Variants in DPH6 observed in about 807,000 individuals in gnomAD.
DPH6 encodes the protein diphthamine biosynthesis 6, also known as diphthine--ammonia ligase.
DPH6 carries 33 observed loss-of-function variants against 38.2 expected under a neutral mutation model. The ratio of observed to expected loss-of-function variants is 0.86; its 90% CI spans 0.65 to 1.15. The LOEUF (loss-of-function observed/expected upper bound fraction) is 1.15. DPH6 is among the 50% of genes most tolerant of loss of function. DPH6 has a pLI of 0.00. For synonymous variants in DPH6, 108 were observed against 103.0 expected, an observed-to-expected ratio of 1.05 and a Z score of -0.30; for missense variants, 325 against 320.0, an observed-to-expected ratio of 1.02 and a Z score of -0.12.
downstream of DPH6, among the ~76,000 whole-genome samples, chr15:35,328,503 C>T (rs2052302835): frequency 2.0e-5 from 3 of 152,058 alleles, no homozygotes; most frequent in Non-Finnish European, 4.4e-5. Context: ...AGAGTAGGTG[C>T]TTTAAAAGTA....
chr15:35,204,942 A>T, the DPH6 span, among the ~76,000 whole-genome samples: 1 of 151,938 alleles, frequency 6.6e-6, no homozygotes, highest in South Asian at 2.1e-4. Flanking sequence ...GAAGAGAGAC[A>T]AAGGAAGAGA....
chr15:35,472,004 G>A (rs1011575368), intron 3 of DPH6, among the ~76,000 whole-genome samples: 3 of 152,156 alleles, frequency 2.0e-5, no homozygotes, highest in Non-Finnish European at 2.9e-5. Flanking sequence ...TGAAAATAAC[G>A]TTGTGCTTTA....
the DPH6 span, among the ~76,000 whole-genome samples, chr15:35,193,674 G>A: frequency 6.6e-6 from 1 of 152,158 alleles, no homozygotes; most frequent in Non-Finnish European, 1.5e-5. Flanking sequence ...AACAGTCTTG[G>A]TTCGGAAATC....
Position 35,498,076 on chromosome 15 carries a change from A to T in DPH6, c.312+40198T>A, listed in dbSNP as rs150259788. Among the ~76,000 whole-genome samples the T allele has an allele frequency of 3.1e-4, 47 of 152,306 alleles. 1 individual carries two copies. The highest frequency in any genetic ancestry group is 8.3e-4 in the South Asian group (4 of 4,828). ...ATAGGTTGAGCAGACTATTATGCAC[A>T]GCACTATGCAAGTTCATATTTTAAT... is the stretch of plus-strand genomic sequence containing the variant. On this transcript the variant is annotated intron_variant, in intron 3 of 8. Transcript: ENST00000256538.
chr15:35,314,545 T>G (rs1419939355), intron 3 of DPH6, among the ~76,000 whole-genome samples: 4 of 152,096 alleles, frequency 2.6e-5, no homozygotes, highest in Non-Finnish European at 5.9e-5. Context: ...GTTCGAGAAG[T>G]TTCACAAAGG....
intron 3 of DPH6, among the ~76,000 whole-genome samples, chr15:35,234,826 TA>T (rs1445693198): frequency 6.6e-6 from 1 of 152,214 alleles, no homozygotes; most frequent in Non-Finnish European, 1.5e-5. Flanking sequence ...GGTATGGGTA[TA>T]TGAAGCTTGG....
At chr15:35,439,230 TA>T (rs1158791636) in intron 5 of DPH6, among the ~76,000 whole-genome samples, 1 of 152,234 alleles carries the variant, frequency 6.6e-6, no homozygotes, top group East Asian at 1.9e-4. Flanking sequence ...TGGACCGAAC[TA>T]ATGAAAAACT....
chr15:35,286,692 T>C (rs2051946101), intron 3 of DPH6, among the ~76,000 whole-genome samples: 1 of 152,240 alleles, frequency 6.6e-6, no homozygotes, highest in Non-Finnish European at 1.5e-5. Context: ...AAACTTTGTC[T>C]GAAAAGGTAA....
intron 3 of DPH6, among the ~76,000 whole-genome samples, chr15:35,302,929 T>C (rs1890614641): frequency 6.6e-6 from 1 of 152,258 alleles, no homozygotes; most frequent in East Asian, 1.9e-4. Context: ...TATATACTTA[T>C]AATGGTTTCT....
At chr15:35,381,036 TG>T (rs2052857764) in intron 7 of DPH6, among the ~76,000 whole-genome samples, 1 of 82,306 alleles carries the variant, frequency 1.2e-5, no homozygotes, top group Non-Finnish European at 2.5e-5. Flanking sequence ...CACCTAGAGT[TG>T]TTGTCTTAAT....
chr15:35,351,720 C>CTTTT (rs758678929), intron 3 of DPH6, among the ~76,000 whole-genome samples: 1 of 136,404 alleles, frequency 7.3e-6, no homozygotes, highest in African/African-American at 2.7e-5. Context: ...TGTCAGACTT[C>CTTTT]TTTTTTTTTT....
chr15:35,388,356 T>C (rs2053002143), intron 6 of DPH6, among the ~76,000 whole-genome samples: 1 of 152,230 alleles, frequency 6.6e-6, no homozygotes, highest in Admixed American at 6.5e-5. Flanking sequence ...GGTGGCCTCA[T>C]AAAATGAGTT....
Position 35,283,071 on chromosome 15 carries a change from CTCT to C in DPH6, n.201-62492_201-62490del, listed in dbSNP as rs753006243. On this transcript the variant is annotated intron_variant and non_coding_transcript_variant, in intron 3 of 3. Coordinates refer to the DPH6 transcript ENST00000560386. ...TCCTTCTTCTTCCTTCTTCTTCTTC[CTCT>C]TCTTCTTCTTCCTTCTTTCTTCTTC... 256 of 160,058 alleles carry C rather than the reference CTCT, an allele frequency of 1.6e-3. 1 individual carries two copies. The highest frequency in any genetic ancestry group is 2.7e-3 in the Admixed American group (41 of 15,092). 9.9% of individuals were successfully genotyped at this position (160,058 alleles called of 1,614,324 possible).
chr15:35,173,829 C>T, the DPH6 span, among the ~76,000 whole-genome samples: 1 of 152,296 alleles, frequency 6.6e-6, no homozygotes, highest in Non-Finnish European at 1.5e-5. Context: ...TGTCAATATT[C>T]CCAGAGGTTA....
intron 3 of DPH6, among the ~76,000 whole-genome samples, chr15:35,271,249 C>CAAAG (rs755701172): frequency 6.6e-6 from 1 of 152,050 alleles, no homozygotes; most frequent in East Asian, 1.9e-4. Flanking sequence ...TGGAGTTAAA[C>CAAAG]AAACAAACAA....
chr15:35,368,544 T>C (rs1268351856), downstream of DPH6, among the ~76,000 whole-genome samples: 1 of 151,976 alleles, frequency 6.6e-6, no homozygotes, highest in Non-Finnish European at 1.5e-5. Flanking sequence ...TTCGAATTAG[T>C]TGTATCTTGT....
intron 3 of DPH6, among the ~76,000 whole-genome samples, chr15:35,460,097 T>C (rs2054045324): frequency 6.6e-6 from 1 of 152,150 alleles, no homozygotes; most frequent in South Asian, 2.1e-4. Context: ...AAAACCATTG[T>C]ATTTTACCAT....
At chr15:35,252,061 C>T (rs903597488) in intron 3 of DPH6, among the ~76,000 whole-genome samples, 4 of 152,178 alleles carry the variant, frequency 2.6e-5, no homozygotes, top group African/African-American at 9.7e-5. Context: ...GTAGAGGTTG[C>T]AGTGAGCCAA....
intron 3 of DPH6, among the ~76,000 whole-genome samples, chr15:35,491,288 G>A (rs1266799565): frequency 6.6e-6 from 1 of 151,914 alleles, no homozygotes; most frequent in African/African-American, 2.4e-5. Context: ...AAAGTACCTG[G>A]CACAGAGTAA....
Sources: gnomAD v4.1 joint callset for allele counts (sites outside exome capture counted in the v4.1 genomes callset) on GRCh38, gnomAD v4.1.1 for gene constraint, MANE v1.5 for transcripts, NCBI Gene and HGNC (gene_info 2026-07-23, HGNC 2026-07-21) for gene names.